Variants in GPR39 observed in about 807,000 individuals in gnomAD.
GPR39 encodes the protein G protein-coupled receptor 39.
A neutral mutation model predicts 18.4 loss-of-function variants in GPR39; 23 were observed. That is an observed-to-expected ratio of 1.25 (90% confidence interval 0.90 to 1.77). GPR39 has a LOEUF of 1.77. Among genes scored for constraint, GPR39 ranks in the 40% most tolerant of loss-of-function variants. The pLI is 0.00. For missense variants in GPR39, 647 were observed against 602.4 expected, an observed-to-expected ratio of 1.07 and a Z score of -0.78; for synonymous variants, 280 against 257.9, an observed-to-expected ratio of 1.09 and a Z score of -0.82.
chr2:132,621,467 C>T (rs1681440053), intron 1 of GPR39, among the ~76,000 whole-genome samples: 2 of 152,204 alleles, frequency 1.3e-5, no homozygotes, highest in Non-Finnish European at 2.9e-5. Context: ...ATAAGTACTG[C>T]TTTATTCTGT....
intron 1 of GPR39, among the ~76,000 whole-genome samples, chr2:132,426,449 T>C (rs1183349654): frequency 6.6e-6 from 1 of 152,242 alleles, no homozygotes; most frequent in Non-Finnish European, 1.5e-5. Flanking sequence ...GACTAGGCGC[T>C]GCATAAAGGT....
intron 1 of GPR39, among the ~76,000 whole-genome samples, chr2:132,619,323 G>A (rs1681393858): frequency 6.6e-6 from 1 of 152,192 alleles, no homozygotes; most frequent in Non-Finnish European, 1.5e-5. Flanking sequence ...CGGCAAGCAT[G>A]GGTAAGGGCC....
chr2:132,523,486 AAGG>A (rs1405725315), intron 1 of GPR39: 1 of 152,132 alleles, frequency 6.6e-6, no homozygotes, highest in Non-Finnish European at 1.5e-5. Flanking sequence ...AGAAAAAAAA[AAGG>A]AGTCCAATCC....
rs1041164232 is a variant in GPR39 at position 132,446,539 on chromosome 2, G to A, written c.856+28641G>A. 4.6e-5 allele frequency among the ~76,000 whole-genome samples: 7 copies of A among 152,312 alleles called. No homozygotes were observed. The Middle Eastern group carries it at 0.014, about 296-fold the overall frequency. ...AAGAGGGTAAAACTCCTAGCATTGT[G>A]GAATTGACAGCTTGGTGACGCTAGA... On this transcript the variant is annotated intron_variant, in intron 1 of 1. Transcript: ENST00000329321.
intron 1 of GPR39, among the ~76,000 whole-genome samples, chr2:132,625,876 T>G (rs1025090845): frequency 6.6e-6 from 1 of 151,874 alleles, no homozygotes; most frequent in Admixed American, 6.6e-5. Flanking sequence ...CCAAGGCGGG[T>G]GGATCACAAG....
chr2:132,447,291 T>C (rs1304840464), intron 1 of GPR39, among the ~76,000 whole-genome samples: 4 of 152,206 alleles, frequency 2.6e-5, no homozygotes, highest in Admixed American at 2.6e-4. Context: ...TTAGATAAGT[T>C]TGTACAATCC....
intron 1 of GPR39, among the ~76,000 whole-genome samples, chr2:132,610,777 CAAAAAAAAAAA>C (rs34611787): frequency 4.5e-5 from 4 of 88,726 alleles, no homozygotes; most frequent in African/African-American, 1.4e-4. Context: ...ACTCTGTCTC[CAAAAAAAAAAA>C]AAAAAAAAAA....
At chr2:132,520,336 A>G (rs1174001011) in intron 1 of GPR39, among the ~76,000 whole-genome samples, 1 of 152,256 alleles carries the variant, frequency 6.6e-6, no homozygotes, top group Non-Finnish European at 1.5e-5. Flanking sequence ...TGCCATCTGC[A>G]TAACACCTTG....
At chr2:132,506,073 T>A (rs964605260) in intron 1 of GPR39, among the ~76,000 whole-genome samples, 5 of 152,218 alleles carry the variant, frequency 3.3e-5, no homozygotes, top group Admixed American at 3.3e-4. Context: ...ATTTTTTGTC[T>A]TTTTAATAAT....
At chr2:132,614,097 G>T (rs1681285082) in intron 1 of GPR39, among the ~76,000 whole-genome samples, 1 of 151,800 alleles carries the variant, frequency 6.6e-6, no homozygotes, top group Admixed American at 6.6e-5. Context: ...ATTTCCCTTT[G>T]CCCAGAAGGT....
intron 1 of GPR39, among the ~76,000 whole-genome samples, chr2:132,636,926 G>A (rs1420446064): frequency 6.6e-6 from 1 of 152,124 alleles, no homozygotes; most frequent in Non-Finnish European, 1.5e-5. Flanking sequence ...ACCCACTCCT[G>A]TGCTGTGTGT....
chr2:132,502,769 A>C (rs1679071053), intron 1 of GPR39, among the ~76,000 whole-genome samples: 1 of 152,100 alleles, frequency 6.6e-6, no homozygotes, highest in Non-Finnish European at 1.5e-5. Flanking sequence ...CATTTTAAAA[A>C]ATTCTTTCTT....
chr2:132,596,744 G>C (rs185762064), intron 1 of GPR39, among the ~76,000 whole-genome samples: 7 of 152,106 alleles, frequency 4.6e-5, no homozygotes, highest in Admixed American at 6.5e-5. Flanking sequence ...TATATCACCC[G>C]AGAAGTTTTA....
At chr2:132,584,409 G>A (rs1680685649) in intron 1 of GPR39, among the ~76,000 whole-genome samples, 1 of 152,244 alleles carries the variant, frequency 6.6e-6, no homozygotes, top group South Asian at 2.1e-4. Context: ...GCTAGCCACC[G>A]AATATTCAGA....
chr2:132,460,904 G>T (rs1468041751), intron 1 of GPR39, among the ~76,000 whole-genome samples: 1 of 152,180 alleles, frequency 6.6e-6, no homozygotes, highest in Non-Finnish European at 1.5e-5. Flanking sequence ...GGTCAGCAAA[G>T]CCGAGAGCAG....
At chr2:132,589,964 C>A (rs913855454) in intron 1 of GPR39, among the ~76,000 whole-genome samples, 2 of 152,298 alleles carry the variant, frequency 1.3e-5, no homozygotes, top group East Asian at 1.9e-4. Context: ...TTCTCAGTAA[C>A]CCCCATGAAT....
chr2:132,483,473 G>C (rs2104790683), intron 1 of GPR39, among the ~76,000 whole-genome samples: 1 of 152,328 alleles, frequency 6.6e-6, no homozygotes, highest in Non-Finnish European at 1.5e-5. Flanking sequence ...GAGTGCTTTT[G>C]TATGCCTTCC....
intron 1 of GPR39, among the ~76,000 whole-genome samples, chr2:132,583,249 G>A (rs1043579822): frequency 6.6e-6 from 1 of 151,888 alleles, no homozygotes; most frequent in African/African-American, 2.4e-5. Flanking sequence ...CAAGTGTGCC[G>A]TGTGTTTGTT....
chr2:132,490,901 C>T lies in GPR39; in HGVS notation c.856+73003C>T, dbSNP rs115782191. ...CTGGTTGGAGGGAGATGATGATAAA[C>T]GTGTGAGGGCTAAAGGGGCTGCGAA... On this transcript the variant is annotated intron_variant, in intron 1 of 1. Coordinates refer to ENST00000329321, the MANE Select transcript of GPR39 (RefSeq NM_001508.3). 2.5e-3 allele frequency among the ~76,000 whole-genome samples: 386 copies of T among 152,190 alleles called. 4 individuals are homozygous for T. Among genetic ancestry groups the T allele is most frequent in the African/African-American group, 8.6e-3 (358 of 41,544 alleles).
Sources: gnomAD v4.1 joint callset for allele counts (sites outside exome capture counted in the v4.1 genomes callset) on GRCh38, gnomAD v4.1.1 for gene constraint, MANE v1.5 for transcripts, NCBI Gene and HGNC (gene_info 2026-07-23, HGNC 2026-07-21) for gene names.